The following POLR3GL variants were observed in gnomAD, a reference collection of about 807,000 sequenced individuals.
POLR3GL encodes DNA-directed RNA polymerase III subunit RPC7-like.
In POLR3GL, 26 loss-of-function variants were observed where a neutral mutation model predicts 32.4. The ratio of observed to expected loss-of-function variants is 0.80; its 90% CI spans 0.59 to 1.11. POLR3GL has a LOEUF of 1.11. Among genes scored for constraint, POLR3GL ranks in the 50% most tolerant of loss-of-function variants. The pLI, the probability that POLR3GL is intolerant of heterozygous loss-of-function variation, is 0.00. For missense variants in POLR3GL, 229 were observed against 280.1 expected (o/e 0.82, Z 1.30); for synonymous variants, 95 against 98.7 (o/e 0.96, Z 0.22).
At chr1:145,969,102 A>G (rs1553762305) in intron 1 of POLR3GL, among the ~76,000 whole-genome samples, 1 of 151,150 alleles carries the variant, frequency 6.6e-6, no homozygotes, top group Non-Finnish European at 1.5e-5. Flanking sequence ...TTTAAATTTT[A>G]TTTATCTATT....
intron 1 of POLR3GL, among the ~76,000 whole-genome samples, chr1:145,966,231 G>A (rs1553762043): frequency 6.6e-6 from 1 of 151,470 alleles, no homozygotes; most frequent in Non-Finnish European, 1.5e-5. Context: ...TGTAATTCCA[G>A]CACTTTGGGA....
intron 1 of POLR3GL, among the ~76,000 whole-genome samples, chr1:145,965,140 C>G (rs1438148343): frequency 1.3e-5 from 2 of 152,194 alleles, no homozygotes; most frequent in Admixed American, 6.5e-5. Context: ...ATTGTTCCCC[C>G]GTCTACGATA....
chr1:145,974,859 C>T lies in POLR3GL; in HGVS notation c.-7C>T. Reference sequence around the variant, plus strand: ...CTGGATCTCTGAATACCCAGGCCCCCTCCACCATGGCCAGCCGGGGTGGGG... The same window carrying T: ...CTGGATCTCTGAATACCCAGGCCCCTTCCACCATGGCCAGCCGGGGTGGGG... On this transcript the variant is annotated 5_prime_UTR_variant, in exon 2 of 8. Transcript: ENST00000369314. 6.6e-7 allele frequency: 1 copy of T among 1,512,548 alleles called. No homozygotes were observed. Among genetic ancestry groups the T allele is most frequent in the South Asian group, 1.3e-5 (1 of 74,500 alleles). The allele number at this position is 1,512,548 out of a possible 1,614,324, so 93.7% of individuals were successfully genotyped here.
rs959480286 is a variant in POLR3GL, at chr1:145,976,102, C to G, written c.256+666C>G. Among the ~76,000 whole-genome samples the G allele has an allele frequency of 3.3e-5, 5 of 152,116 alleles. No individual in the cohort carries two copies. In the East Asian group the frequency reaches 9.7e-4, roughly 29 times the overall value. On this transcript the variant is annotated intron_variant, in intron 3 of 7. Transcript: ENST00000369314. ...CCAGCCTAGCCAATACGGTGAAACCCTGTCTCTACTAAAAATATAAAAATT... is the reference window on the plus strand; with the variant it reads ...CCAGCCTAGCCAATACGGTGAAACCGTGTCTCTACTAAAAATATAAAAATT...
At chr1:145,978,126 C>T in intron 7 of POLR3GL, 30 bp downstream of exon 7, 1 of 1,571,930 alleles carries the variant, frequency 6.4e-7, no homozygotes, top group South Asian at 1.2e-5. Context: ...CCTTAGTCCC[C>T]CTCCCTTTAC....
In POLR3GL at chr1:145,974,982, A is replaced by G. The variant is rs1650485019; in HGVS notation, c.117A>G (p.Pro39=). Residue 39 remains proline, a synonymous_variant, in exon 2 of 8, where the codon CCA becomes CCG. Coordinates refer to ENST00000369314, the MANE Select transcript of POLR3GL (RefSeq NM_032305.3). ...CCCCACCCACCCTGCAGCCTTCTCC[A>G]CTCTTCCCTGTGAGTCTCTCCACTC... The part of the protein sequence containing the change: ...ALPPPTLQPS[P]LFPPLEFRPV... 10 of 1,513,212 alleles carry G rather than the reference A, an allele frequency of 6.6e-6. No individual in the cohort carries two copies. The highest frequency in any genetic ancestry group is 7.0e-6 in the Non-Finnish European group (8 of 1,135,006). 93.7% of individuals were successfully genotyped at this position (1,513,212 alleles called of 1,614,324 possible).
Position 145,978,528 on chromosome 1 carries a change from A to C in POLR3GL, c.*81A>C. ...ATTATTTGTTTCTTCAGACAAGCAAATCATTTGGTCAGAGTTCATATAATC... is the reference window on the plus strand; with the variant it reads ...ATTATTTGTTTCTTCAGACAAGCAACTCATTTGGTCAGAGTTCATATAATC... On this transcript the variant is annotated 3_prime_UTR_variant, in exon 8 of 8. Coordinates refer to ENST00000369314, the MANE Select transcript of POLR3GL (RefSeq NM_032305.3). 3.2e-6 allele frequency: 3 copies of C among 927,876 alleles called. No homozygotes were observed. Among genetic ancestry groups the C allele is most frequent in the East Asian group, 2.4e-5 (1 of 41,738 alleles). 57.5% of individuals were successfully genotyped at this position (927,876 alleles called of 1,614,324 possible).
intron 4 of POLR3GL, 25 bp downstream of exon 4, chr1:145,977,177 C>A: frequency 6.3e-7 from 1 of 1,587,714 alleles, no homozygotes; most frequent in Non-Finnish European, 8.7e-7. Context: ...CTTTCATTGA[C>A]TGCCCTTCTT....
rs368897942 is a variant in POLR3GL, at chr1:145,976,774, G to A, written c.257-310G>A. Among the ~76,000 whole-genome samples the A allele has an allele frequency of 3.3e-5, 5 of 151,764 alleles. No individual in the cohort carries two copies. In the East Asian group the frequency reaches 9.7e-4, roughly 30 times the overall value. On this transcript the variant is annotated intron_variant, in intron 3 of 7. Coordinates refer to ENST00000369314, the MANE Select transcript of POLR3GL (RefSeq NM_032305.3). ...CTAAAAATACAAAAATTAGCTAGGC[G>A]TGGTGGTGTGTGCCTGTAGTCCCAG...
At chr1:145,968,073 T>C (rs1395971375) in intron 1 of POLR3GL, among the ~76,000 whole-genome samples, 1 of 152,216 alleles carries the variant, frequency 6.6e-6, no homozygotes, top group East Asian at 1.9e-4. Context: ...TGCCTCTCAG[T>C]AACTTCCACC....
chr1:145,976,326 C>G (rs1190185836), intron 3 of POLR3GL, among the ~76,000 whole-genome samples: 4 of 151,120 alleles, frequency 2.6e-5, no homozygotes, highest in African/African-American at 9.7e-5. Context: ...CACCTAGAAT[C>G]CCAGCACTTT....
Position 145,977,608 on chromosome 1 carries a change from G to A in POLR3GL, c.382+69G>A, listed in dbSNP as rs1408850392. 15 of 1,472,874 alleles carry A rather than the reference G, an allele frequency of 1.0e-5. No homozygotes were observed. In the Admixed American group the frequency reaches 2.4e-4, roughly 23 times the overall value. The allele number at this position is 1,472,874 out of a possible 1,614,324, so 91.2% of individuals were successfully genotyped here. On this transcript the variant is annotated intron_variant, in intron 5 of 7. Coordinates refer to ENST00000369314, the MANE Select transcript of POLR3GL (RefSeq NM_032305.3). ...CATCAGCCTGAGGGCCGAGGCTGCTGCTGGTCTCACCTTCCATCCCAGTTC... is the reference window on the plus strand; with the variant it reads ...CATCAGCCTGAGGGCCGAGGCTGCTACTGGTCTCACCTTCCATCCCAGTTC...
chr1:145,969,117 GA>G (rs1324338993), intron 1 of POLR3GL, among the ~76,000 whole-genome samples: 7 of 151,688 alleles, frequency 4.6e-5, no homozygotes, highest in African/African-American at 1.7e-4. Flanking sequence ...TCTATTTATT[GA>G]GACACGGTCT....
chr1:145,973,733 C>T (rs1344035493), intron 1 of POLR3GL, among the ~76,000 whole-genome samples: 2 of 151,066 alleles, frequency 1.3e-5, no homozygotes, highest in Non-Finnish European at 3.0e-5. Flanking sequence ...AAAGAAGACA[C>T]ACACATACAC....
At chr1:145,967,068 C>G (rs587625892) in intron 1 of POLR3GL, among the ~76,000 whole-genome samples, 2 of 152,108 alleles carry the variant, frequency 1.3e-5, no homozygotes, top group East Asian at 3.9e-4. Flanking sequence ...TATAGTCTTT[C>G]CAGTGAGGTA....
At position 145,978,433 on chromosome 1, in the gene POLR3GL, G is replaced by A. The variant is rs782368633; in HGVS notation, c.643G>A (p.Glu215Lys). ...FGGDSDDNMD[E>K]AIY Reference sequence around the variant, plus strand: ...TGGTGACAGTGATGACAATATGGACGAGGCTATATACTGAAGAAGGACTCT... The same window carrying A: ...TGGTGACAGTGATGACAATATGGACAAGGCTATATACTGAAGAAGGACTCT... Residue 215 changes from glutamate (E) to lysine (K), a missense_variant, in exon 8 of 8, where the codon GAG (glutamate) becomes AAG (lysine). Coordinates refer to ENST00000369314, the MANE Select transcript of POLR3GL (RefSeq NM_032305.3). 12 of 1,601,250 alleles carry A rather than the reference G, an allele frequency of 7.5e-6. No individual in the cohort carries two copies. Among genetic ancestry groups the A allele is most frequent in the Middle Eastern group, 1.7e-4 (1 of 6,046 alleles).
chr1:145,972,995 A>C (rs1003042892), intron 1 of POLR3GL, among the ~76,000 whole-genome samples: 4 of 152,120 alleles, frequency 2.6e-5, no homozygotes, highest in African/African-American at 7.2e-5. Context: ...CGCTGCACCC[A>C]GCTAACCCAT....
In POLR3GL at chr1:145,977,100, A is replaced by G; in HGVS notation, c.273A>G (p.Ser91=). The G allele has an allele frequency of 6.2e-7, 1 of 1,613,914 alleles. No individual in the cohort carries two copies. Among genetic ancestry groups the G allele is most frequent in the Non-Finnish European group, 8.5e-7 (1 of 1,179,890 alleles). ...AVPKRDVERY[S]DKYQMSGPID... ...ACCCCTCAGATGTGGAGCGTTATTC[A>G]GACAAATATCAGATGTCAGGTCCGA... Residue 91 remains serine (S), a synonymous_variant, in exon 4 of 8, where the codon TCA becomes TCG. Transcript: ENST00000369314.
Position 145,964,700 on chromosome 1 carries a change from C to G in POLR3GL, c.-110C>G. The G allele has an allele frequency of 6.6e-6, 1 of 152,332 alleles. No individual in the cohort carries two copies. Among genetic ancestry groups the G allele is most frequent in the Non-Finnish European group, 1.5e-5 (1 of 68,060 alleles). The allele number at this position is 152,332 out of a possible 1,614,324, so 9.4% of individuals were successfully genotyped here. A position where few individuals can be genotyped will look rare whatever the true frequency, so the allele number is the denominator to read the frequency against. On this transcript the variant is annotated 5_prime_UTR_variant, in exon 1 of 8. Coordinates refer to ENST00000369314, the MANE Select transcript of POLR3GL (RefSeq NM_032305.3). ...CCGGGAGGCGGGCTTAGAACGCCAC[C>G]GACTTGAGGAAGCCCAGTACATTTC... is the stretch of plus-strand genomic sequence containing the variant.
Sources: gnomAD v4.1 joint callset for allele counts (sites outside exome capture counted in the v4.1 genomes callset) on GRCh38, gnomAD v4.1.1 for gene constraint, MANE v1.5 for transcripts, NCBI Gene and HGNC (gene_info 2026-07-23, HGNC 2026-07-21) for gene names.